The following TP53I11 variants were observed in gnomAD, a reference collection of about 807,000 sequenced individuals.
TP53I11 encodes tumor protein p53-inducible protein 11.
In TP53I11, 9 loss-of-function variants were observed where a neutral mutation model predicts 23.3. The ratio of observed to expected loss-of-function variants is 0.39; its 90% CI spans 0.23 to 0.67. TP53I11 has a LOEUF of 0.67. Among genes scored for constraint, TP53I11 ranks in the 30% least tolerant of loss-of-function variants. The pLI is 0.48. For missense variants in TP53I11, 170 were observed against 255.2 expected, an observed-to-expected ratio of 0.67 and a Z score of 2.27; for synonymous variants, 100 against 106.1, an observed-to-expected ratio of 0.94 and a Z score of 0.35.
At chr11:44,948,588 GC>G (rs1862611985) in intron 1 of TP53I11, among the ~76,000 whole-genome samples, 1 of 151,984 alleles carries the variant, frequency 6.6e-6, no homozygotes, top group Admixed American at 6.6e-5. Flanking sequence ...GCCTCCCCCT[GC>G]CCCCTGCTTT....
In TP53I11 at chr11:44,936,471, T is replaced by C; in HGVS notation, c.334+332A>G. 1 of 1,235,024 alleles carries C rather than the reference T, an allele frequency of 8.1e-7. No homozygotes were observed. Among genetic ancestry groups the C allele is most frequent in the Non-Finnish European group, 1.0e-6 (1 of 990,334 alleles). The allele number at this position is 1,235,024 out of a possible 1,614,324, so 76.5% of individuals were successfully genotyped here. ...GGGTTTTGCAGACACTGAATTGATC[T>C]GCCTCTCCTCTAGGCTGTGAATTCC... is the stretch of plus-strand genomic sequence containing the variant. On this transcript the variant is annotated intron_variant, in intron 5 of 6. Coordinates refer to ENST00000525680, the MANE Select transcript of TP53I11 (RefSeq NM_006034.5). This position sits in a 1 kb window ranked among gnomAD's most constrained non-coding sequence, Gnocchi z 4.4.
In TP53I11 at chr11:44,938,213, G is replaced by A; in HGVS notation, c.123C>T (p.Arg41=). The change falls in exon 2 of 7, where the codon CGC becomes CGT. Residue 41 remains arginine, a synonymous_variant. Transcript: ENST00000525680. ...CCCCTGCTCTGCACCCCACCTTGGAGCGATGCACCTCCCCGTCGTCATCCT... is the reference window on the plus strand; with the variant it reads ...CCCCTGCTCTGCACCCCACCTTGGAACGATGCACCTCCCCGTCGTCATCCT... ...GGEDDDGEVH[R]SKISQVLGNE... The A allele has an allele frequency of 6.2e-7, 1 of 1,612,780 alleles. No homozygotes were observed. Among genetic ancestry groups the A allele is most frequent in the Non-Finnish European group, 8.5e-7 (1 of 1,179,654 alleles).
Position 44,934,788 on chromosome 11 carries a change from C to T in TP53I11, c.*96G>A. On this transcript the variant is annotated 3_prime_UTR_variant, in exon 7 of 7. Coordinates refer to ENST00000525680, the MANE Select transcript of TP53I11 (RefSeq NM_006034.5). ...TCCCTGGGGCAGGACTGGGGCAGGGCAGGGGACCCTCCTGCCTTCCAGGAG... is the reference window on the plus strand; with the variant it reads ...TCCCTGGGGCAGGACTGGGGCAGGGTAGGGGACCCTCCTGCCTTCCAGGAG... The T allele has an allele frequency of 1.3e-6, 2 of 1,545,460 alleles. No individual in the cohort carries two copies. Among genetic ancestry groups the T allele is most frequent in the Non-Finnish European group, 8.8e-7 (1 of 1,140,036 alleles).
At position 44,933,477 on chromosome 11, in the gene TP53I11, G is replaced by A. The variant is rs1445911830; in HGVS notation, c.*1407C>T. The A allele has an allele frequency of 1.3e-5, 2 of 153,626 alleles. No individual in the cohort carries two copies. Among genetic ancestry groups the A allele is most frequent in the African/African-American group, 2.4e-5 (1 of 41,478 alleles). The allele number at this position is 153,626 out of a possible 1,614,324, so 9.5% of individuals were successfully genotyped here. On this transcript the variant is annotated 3_prime_UTR_variant, in exon 7 of 7. Coordinates refer to ENST00000525680, the MANE Select transcript of TP53I11 (RefSeq NM_006034.5). ...GCTCGCCACTTCCGGTGTGTGCATC[G>A]GTGTGCTGGCAGGAGGGAGAAGGTT...
intron 1 of TP53I11, among the ~76,000 whole-genome samples, chr11:44,942,099 ACAC>A (rs1228315566): frequency 7.7e-6 from 1 of 129,872 alleles, no homozygotes; most frequent in Non-Finnish European, 1.6e-5. Flanking sequence ...TACACACACC[ACAC>A]AATACGTGCA....
chr11:44,937,672 C>T (rs1861307250), intron 2 of TP53I11, 59 bp from the exon 3 acceptor site: 11 of 1,559,300 alleles, frequency 7.1e-6, no homozygotes, highest in South Asian at 5.6e-5. Flanking sequence ...CGCCCCCACT[C>T]GCTCATCCTC....
intron 5 of TP53I11, chr11:44,935,990 CAGG>C (rs1861067973): frequency 2.4e-6 from 1 of 420,172 alleles, no homozygotes; most frequent in South Asian, 3.0e-5. Context: ...CCGGTTCTGT[CAGG>C]AGGATGCTGT....
In TP53I11 at chr11:44,949,662, G is replaced by T. The variant is rs572197584; in HGVS notation, c.-32+1015C>A. Among the ~76,000 whole-genome samples the T allele has an allele frequency of 1.7e-3, 265 of 152,216 alleles. 1 individual carries two copies. The highest frequency in any genetic ancestry group is 6.2e-3 in the African/African-American group (258 of 41,540). On this transcript the variant is annotated intron_variant, in intron 1 of 6. Coordinates refer to ENST00000525680, the MANE Select transcript of TP53I11 (RefSeq NM_006034.5). ...GCCCCGCCCAGCGGGGCGCGCCGGG[G>T]TGGGCGCGGCGTTCTGGCCCTTCCT...
At chr11:44,942,041 ATACAC>A (rs1420787195) in intron 1 of TP53I11, among the ~76,000 whole-genome samples, 23 of 8,462 alleles carry the variant, frequency 2.7e-3, no homozygotes, top group Admixed American at 9.3e-3. Flanking sequence ...CACCACACAC[ATACAC>A]ACCACACACA....
Position 44,936,439 on chromosome 11 carries a change from G to A in TP53I11, c.334+364C>T. ...TGGCTCTGGGGATAAAATAGGGGGG[G>A]TGCGAGGGGTTTTGCAGACACTGAA... On this transcript the variant is annotated intron_variant, in intron 5 of 6. Coordinates refer to ENST00000525680, the MANE Select transcript of TP53I11 (RefSeq NM_006034.5). This position sits in a 1 kb window ranked among gnomAD's most constrained non-coding sequence, Gnocchi z 4.4. 1.6e-6 allele frequency: 2 copies of A among 1,232,882 alleles called. No individual in the cohort carries two copies. The highest frequency in any genetic ancestry group is 2.0e-6 in the Non-Finnish European group (2 of 989,294). 76.4% of individuals were successfully genotyped at this position (1,232,882 alleles called of 1,614,324 possible). A position where few individuals can be genotyped will look rare whatever the true frequency, so the allele number is the denominator to read the frequency against.
chr11:44,935,660 T>C lies in TP53I11; in HGVS notation c.337A>G (p.Ile113Val), dbSNP rs1446258482. The change falls in exon 6 of 7, where the codon ATC becomes GTC. Residue 113 changes from isoleucine to valine, a missense_variant and splice_region_variant. Transcript: ENST00000525680. ...AGAGCGTTCCACATGATCAGGGAGA[T>C]GCCTGGGGCGGGGGATGAAAAGGGG... ...IRLYGGALLS[I>V]SLIMWNALYT... 2.2e-6 allele frequency: 2 copies of C among 923,608 alleles called. No homozygotes were observed. The highest frequency in any genetic ancestry group is 3.2e-6 in the Non-Finnish European group (2 of 617,822). 57.2% of individuals were successfully genotyped at this position (923,608 alleles called of 1,614,324 possible).
chr11:44,939,531 T>C (rs1362657184), intron 1 of TP53I11, among the ~76,000 whole-genome samples: 1 of 152,156 alleles, frequency 6.6e-6, no homozygotes, highest in East Asian at 1.9e-4. Flanking sequence ...CCCAGGCAAA[T>C]CTCACCCTCC....
chr11:44,933,830 G>C lies in TP53I11; in HGVS notation c.*1054C>G, dbSNP rs860693. 0.066 allele frequency: 10,120 copies of C among 154,428 alleles called. 389 individuals are homozygous for C. Among genetic ancestry groups the C allele is most frequent in the Middle Eastern group, 0.15 (47 of 310 alleles). The allele number at this position is 154,428 out of a possible 1,614,324, so 9.6% of individuals were successfully genotyped here. Reference sequence around the variant, plus strand: ...TGGAGGCAGCCCGGGCTGCACGTGTGGGGGGCAGCTCACCGGGAAGCAGGC... The same window carrying C: ...TGGAGGCAGCCCGGGCTGCACGTGTCGGGGGCAGCTCACCGGGAAGCAGGC... On this transcript the variant is annotated 3_prime_UTR_variant, in exon 7 of 7. Transcript: ENST00000525680.
Position 44,950,814 on chromosome 11 carries a change from G to GCAGGGCAGGGCAGGGCAGGA in TP53I11, c.-170_-169insTCCTGCCCTGCCCTGCCCTG, listed in dbSNP as rs1554953006. On this transcript the variant is annotated 5_prime_UTR_variant, in exon 1 of 7. Transcript: ENST00000525680. ...GCAGGGCAGGGCAGGGCAGGACAGG[G>GCAGGGCAGGGCAGGGCAGGA]CAGGGCAGGGCAGGGCCGGGCCGGC... 1 of 35,454 alleles carries GCAGGGCAGGGCAGGGCAGGA rather than the reference G, an allele frequency of 2.8e-5. No homozygotes were observed. The highest frequency in any genetic ancestry group is 3.7e-4 in the Admixed American group (1 of 2,698). The allele number at this position is 35,454 out of a possible 1,614,324, so 2.2% of individuals were successfully genotyped here. A position where few individuals can be genotyped will look rare whatever the true frequency, so the allele number is the denominator to read the frequency against.
intron 2 of TP53I11, 29 bp downstream of exon 2, chr11:44,938,178 G>A: frequency 6.2e-7 from 1 of 1,602,140 alleles, no homozygotes. Flanking sequence ...TCCCCAGTGG[G>A]TGCCGGAGGC....
At chr11:44,945,669 T>C (rs542409228) in intron 1 of TP53I11, among the ~76,000 whole-genome samples, 1 of 151,980 alleles carries the variant, frequency 6.6e-6, no homozygotes, top group Admixed American at 6.5e-5. Context: ...GGAGACCCAT[T>C]GTTCTGTTAT....
At chr11:44,937,990 GA>G (rs772535377) in intron 2 of TP53I11, among the ~76,000 whole-genome samples, 24 of 152,178 alleles carry the variant, frequency 1.6e-4, no homozygotes, top group Non-Finnish European at 3.5e-4. Context: ...GTGCCAACAA[GA>G]AGATTTAAAA....
chr11:44,949,679 G>C (rs1291568882), intron 1 of TP53I11, among the ~76,000 whole-genome samples: 1 of 152,076 alleles, frequency 6.6e-6, no homozygotes, highest in Non-Finnish European at 1.5e-5. Flanking sequence ...CGGCGTTCTG[G>C]CCCTTCCTCC....
rs1860770454 is a variant in TP53I11 at position 44,933,534 on chromosome 11, G to A, written c.*1350C>T. ...AGGGACTAACGGGGTGTACAGCACA[G>A]GCTGGTGGGCCCTCAGGGAGAAGCT... On this transcript the variant is annotated 3_prime_UTR_variant, in exon 7 of 7. Transcript: ENST00000525680. The A allele has an allele frequency of 6.4e-6, 1 of 155,496 alleles. No homozygotes were observed. Among genetic ancestry groups the A allele is most frequent in the Non-Finnish European group, 1.4e-5 (1 of 70,192 alleles). 9.6% of individuals were successfully genotyped at this position (155,496 alleles called of 1,614,324 possible).
Sources: gnomAD v4.1 joint callset for allele counts (sites outside exome capture counted in the v4.1 genomes callset) on GRCh38, gnomAD v4.1.1 for gene constraint, Gnocchi (gnomAD v3.1) non-coding constraint, MANE v1.5 for transcripts, NCBI Gene and HGNC (gene_info 2026-07-23, HGNC 2026-07-21) for gene names.